The following NTMT1 variants were observed in gnomAD, a reference collection of about 807,000 sequenced individuals.
NTMT1 encodes the protein N-terminal RCC1 methyltransferase.
In NTMT1, 8 loss-of-function variants were observed where a neutral mutation model predicts 17.5. The observed-to-expected ratio is 0.46, with a 90% confidence interval of 0.27 to 0.82. NTMT1 has a LOEUF of 0.82. Ranked by LOEUF, NTMT1 falls within the 40% of genes least tolerant of loss-of-function variation. The probability of loss-of-function intolerance (pLI) is 0.15; values close to 1 mark genes in which losing one functional copy is unlikely to be tolerated. For missense variants in NTMT1, 221 were observed against 303.5 expected (o/e 0.73, Z 2.02); for synonymous variants, 128 against 126.8 (o/e 1.01, Z -0.06).
At chr9:129,612,229 G>T (rs1830128993) in intron 1 of NTMT1, 1 of 779,138 alleles carries the variant, frequency 1.3e-6, no homozygotes, top group African/African-American at 1.7e-5. Flanking sequence ...AAAGGCTTGT[G>T]GTGTGACACC....
intron 1 of NTMT1, among the ~76,000 whole-genome samples, chr9:129,616,715 G>A (rs991872424): frequency 6.6e-6 from 1 of 152,204 alleles, no homozygotes; most frequent in South Asian, 2.1e-4. Flanking sequence ...CTGGCACAGG[G>A]TTTGGCCTTA....
At chr9:129,628,064 C>G (rs1330231176) in intron 1 of NTMT1, among the ~76,000 whole-genome samples, 3 of 152,244 alleles carry the variant, frequency 2.0e-5, no homozygotes, top group Non-Finnish European at 4.4e-5. Flanking sequence ...TTGTCTTCCT[C>G]TCTGAGCTAG....
intron 1 of NTMT1, 142 bp from the exon 2 acceptor site, chr9:129,632,508 A>G: frequency 1.7e-6 from 1 of 593,358 alleles, no homozygotes; most frequent in Non-Finnish European, 2.9e-6. Context: ...AAGGGGTAGA[A>G]GCAGATTTGG....
chr9:129,633,974 T>TA (rs1831352308), intron 2 of NTMT1, 80 bp from the exon 3 acceptor site: 3 of 1,486,102 alleles, frequency 2.0e-6, no homozygotes, highest in African/African-American at 1.4e-5. Flanking sequence ...GACTTGAGTC[T>TA]AAGTCCTAGG....
chr9:129,630,612 T>C (rs1004256630), intron 1 of NTMT1, among the ~76,000 whole-genome samples: 6 of 152,218 alleles, frequency 3.9e-5, no homozygotes, highest in African/African-American at 1.4e-4. Flanking sequence ...GTTTGAGGAC[T>C]GTACCCGAGT....
intron 1 of NTMT1, chr9:129,619,421 G>A (rs983946189): frequency 1.2e-6 from 1 of 839,918 alleles, no homozygotes; most frequent in African/African-American, 1.7e-5. Flanking sequence ...GGGTAGATAG[G>A]TGGATAAATG....
chr9:129,627,197 C>T (rs1830943656), intron 1 of NTMT1, among the ~76,000 whole-genome samples: 1 of 152,018 alleles, frequency 6.6e-6, no homozygotes, highest in South Asian at 2.1e-4. Flanking sequence ...TTGGTGGAGG[C>T]CGGAAGCCCT....
At chr9:129,623,867 C>T (rs1489834860), upstream of NTMT1, among the ~76,000 whole-genome samples, 2 of 128,760 alleles carry the variant, frequency 1.6e-5, no homozygotes, top group Non-Finnish European at 1.6e-5. Context: ...GATCTCAGCT[C>T]ACTGCAAGCT....
rs1830627703 is a variant in NTMT1, at chr9:129,620,353, T to C, written c.-55+11175T>C. ...AGGCGGGCAGGCGCGGCGGGAGGCG[T>C]CCGACGCCCACCCCGGGCTTGGCGT... is the stretch of plus-strand genomic sequence containing the variant. On this transcript the variant is annotated intron_variant, in intron 1 of 3. Transcript: ENST00000372486. This position sits in a 1 kb window ranked among gnomAD's most constrained non-coding sequence, Gnocchi z 5.8. 1.6e-6 allele frequency: 2 copies of C among 1,227,170 alleles called. No homozygotes were observed. The highest frequency in any genetic ancestry group is 2.0e-6 in the Non-Finnish European group (2 of 985,486). The allele number at this position is 1,227,170 out of a possible 1,614,324, so 76.0% of individuals were successfully genotyped here.
chr9:129,622,221 G>C (rs117190414), upstream of NTMT1, among the ~76,000 whole-genome samples: 8 of 152,194 alleles, frequency 5.3e-5, no homozygotes, highest in East Asian at 1.5e-3. Flanking sequence ...TGCGGGGCAC[G>C]GTGTCTCACG....
upstream of NTMT1, among the ~76,000 whole-genome samples, chr9:129,625,956 G>A (rs1171594278): frequency 6.6e-6 from 1 of 150,412 alleles, no homozygotes. Flanking sequence ...AGGTTGCGGT[G>A]AGCCGAGATC....
chr9:129,615,531 T>TCGTCAG (rs773004981), intron 1 of NTMT1: 1 of 1,611,106 alleles, frequency 6.2e-7, no homozygotes, highest in African/African-American at 1.3e-5. Context: ...CTGCAGGGTC[T>TCGTCAG]CGTCAGCGAA....
chr9:129,634,410 C>G, intron 3 of NTMT1, 104 bp downstream of exon 3: 21 of 1,386,924 alleles, frequency 1.5e-5, no homozygotes, highest in Non-Finnish European at 2.0e-5. Context: ...AGCAAGTGGG[C>G]CAGTGAGGAT....
In NTMT1 at chr9:129,626,182, C is replaced by A. The variant is rs1035890505; in HGVS notation, c.-168C>A. The A allele has an allele frequency of 2.0e-5, 3 of 152,196 alleles. No individual in the cohort carries two copies. The highest frequency in any genetic ancestry group is 4.4e-5 in the Non-Finnish European group (3 of 68,034). 9.4% of individuals were successfully genotyped at this position (152,196 alleles called of 1,614,324 possible). ...AAAGGCAGCGCGCGCCGCGAGCTGT[C>A]GCGTCTGGTCGTGGTCTGGCGGAGC... On this transcript the variant is annotated 5_prime_UTR_variant, in exon 1 of 4. Coordinates refer to ENST00000372483, the MANE Select transcript of NTMT1 (RefSeq NM_014064.4).
chr9:129,620,690 G>C lies in NTMT1; in HGVS notation c.-55+11512G>C. Reference sequence around the variant, plus strand: ...CATAGTGCCCCGGGCGGGGCAGCGCGGTGCGGGGTGAACGCCACCGGCCCG... The same window carrying C: ...CATAGTGCCCCGGGCGGGGCAGCGCCGTGCGGGGTGAACGCCACCGGCCCG... On this transcript the variant is annotated intron_variant, in intron 1 of 3. Coordinates refer to the NTMT1 transcript ENST00000372486. The surrounding 1 kb of genome is among the most constrained non-coding windows in gnomAD (Gnocchi z 5.8). 1.0e-6 allele frequency: 1 copy of C among 995,492 alleles called. No individual in the cohort carries two copies. Among genetic ancestry groups the C allele is most frequent in the Non-Finnish European group, 1.3e-6 (1 of 772,800 alleles). 61.7% of individuals were successfully genotyped at this position (995,492 alleles called of 1,614,324 possible).
At chr9:129,626,749 C>T (rs1380589859) in intron 1 of NTMT1, among the ~76,000 whole-genome samples, 2 of 152,198 alleles carry the variant, frequency 1.3e-5, no homozygotes, top group African/African-American at 4.8e-5. Context: ...CCTTGGGTGC[C>T]ACCCGAGCGC....
At chr9:129,621,683 A>T (rs1457513723), upstream of NTMT1, among the ~76,000 whole-genome samples, 1 of 152,056 alleles carries the variant, frequency 6.6e-6, no homozygotes, top group Non-Finnish European at 1.5e-5. Flanking sequence ...ACAGACTTTT[A>T]ACAAACTCCC....
At chr9:129,612,423 G>A (rs745922105) in intron 1 of NTMT1, 13 of 1,612,478 alleles carry the variant, frequency 8.1e-6, no homozygotes, top group East Asian at 6.7e-5. Flanking sequence ...CTTCAGGACC[G>A]ACTGCAGCAC....
intron 1 of NTMT1, among the ~76,000 whole-genome samples, chr9:129,631,755 C>T (rs1338826498): frequency 6.6e-6 from 1 of 152,202 alleles, no homozygotes; most frequent in Non-Finnish European, 1.5e-5. Context: ...TATTCTTGCC[C>T]ATCCATCGGT....
Sources: allele counts gnomAD v4.1 joint callset (sites outside exome capture counted in the v4.1 genomes callset), GRCh38; gene constraint gnomAD v4.1.1; non-coding constraint Gnocchi (gnomAD v3.1); transcripts MANE v1.5; gene names NCBI Gene and HGNC (gene_info 2026-07-23, HGNC 2026-07-21).